GARIN1B: variants seen among roughly 807,000 people sequenced by gnomAD.
The protein encoded by GARIN1B is Golgi-associated RAB2 interactor protein 1B.
the GARIN1B span, among the ~76,000 whole-genome samples, chr7:128,713,672 G>A: frequency 2.0e-5 from 3 of 152,186 alleles, no homozygotes; most frequent in African/African-American, 4.8e-5. Context: ...CTCACAATCA[G>A]CTTTCTAGAC....
chr7:128,728,703 A>G, the GARIN1B span, among the ~76,000 whole-genome samples: 1 of 152,220 alleles, frequency 6.6e-6, no homozygotes, highest in African/African-American at 2.4e-5. Flanking sequence ...CATATGTGGC[A>G]TACCACCTTC....
At chr7:128,728,335 G>A in the GARIN1B span, among the ~76,000 whole-genome samples, 4 of 152,162 alleles carry the variant, frequency 2.6e-5, no homozygotes, top group Admixed American at 1.3e-4. Flanking sequence ...CCAGCTACTC[G>A]GGAGGCTGAG....
At chr7:128,715,926 A>G in the GARIN1B span, among the ~76,000 whole-genome samples, 1 of 96,178 alleles carries the variant, frequency 1.0e-5, no homozygotes, top group Non-Finnish European at 2.1e-5. Flanking sequence ...CTCTGCTCTG[A>G]GTGGAGAATT....
At chr7:128,715,591 G>A in the GARIN1B span, 60 of 1,614,010 alleles carry the variant, frequency 3.7e-5, no homozygotes, top group Non-Finnish European at 4.7e-5. Flanking sequence ...ACCCTGGAGC[G>A]GGCCTAGGTG....
the GARIN1B span, among the ~76,000 whole-genome samples, chr7:128,722,752 C>T: frequency 1.3e-5 from 2 of 151,740 alleles, no homozygotes; most frequent in East Asian, 1.9e-4. Flanking sequence ...CTCAGTGAGC[C>T]GAGATCGCAC....
the GARIN1B span, chr7:128,723,329 TAAATC>T: frequency 1.9e-6 from 3 of 1,609,376 alleles, no homozygotes; most frequent in Admixed American, 3.3e-5. Flanking sequence ...GTACATGACT[TAAATC>T]AAGCCAGCCT....
the GARIN1B span, among the ~76,000 whole-genome samples, chr7:128,728,437 G>C: frequency 4.4e-4 from 5 of 11,408 alleles, no homozygotes; most frequent in Non-Finnish European, 6.8e-4. Context: ...GCGAGACTCA[G>C]ACTTAAAAAA....
the GARIN1B span, chr7:128,729,986 G>GAGAGA: frequency 1.2e-6 from 2 of 1,614,204 alleles, no homozygotes; most frequent in Middle Eastern, 3.3e-4. Context: ...GAGTGGGAAA[G>GAGAGA]AGAGAACCCC....
the GARIN1B span, chr7:128,715,209 G>A: frequency 3.0e-5 from 30 of 983,900 alleles, no homozygotes; most frequent in African/African-American, 3.5e-4. Flanking sequence ...CTGGGGTTCC[G>A]AAAAGGGCTG....
chr7:128,709,407 A>G, the GARIN1B span, among the ~76,000 whole-genome samples: 1 of 152,202 alleles, frequency 6.6e-6, no homozygotes, highest in Non-Finnish European at 1.5e-5. Context: ...TAGTGGTCCA[A>G]CTAATTTTTT....
At chr7:128,729,804 G>A in the GARIN1B span, 2 of 1,298,480 alleles carry the variant, frequency 1.5e-6, no homozygotes, top group South Asian at 1.3e-5. Context: ...TTGGAATGGT[G>A]CCTGGCACAT....
the GARIN1B span, among the ~76,000 whole-genome samples, chr7:128,717,732 C>T: frequency 2.7e-5 from 4 of 149,694 alleles, no homozygotes; most frequent in Non-Finnish European, 4.4e-5. Context: ...CGGGCGTGAG[C>T]CACTGTGCCC....
chr7:128,729,022 C>T, the GARIN1B span, among the ~76,000 whole-genome samples: 1 of 152,202 alleles, frequency 6.6e-6, no homozygotes, highest in African/African-American at 2.4e-5. Flanking sequence ...ATATTTCAAA[C>T]ATTTCTGGGA....
chr7:128,717,753 TTTTTG>T, the GARIN1B span, among the ~76,000 whole-genome samples: 1 of 114,680 alleles, frequency 8.7e-6, no homozygotes, highest in Non-Finnish European at 1.8e-5. Flanking sequence ...GGCCAGGTTT[TTTTTG>T]TTTTTTTTTT....
the GARIN1B span, chr7:128,731,368 C>A: frequency 1.8e-6 from 1 of 554,062 alleles, no homozygotes; most frequent in South Asian, 2.4e-5. Flanking sequence ...TGGCCGGGCC[C>A]AAGAGATGAA....
the GARIN1B span, chr7:128,717,110 T>C: frequency 1.3e-5 from 13 of 1,013,618 alleles, no homozygotes; most frequent in East Asian, 1.6e-4. Context: ...AGCAGTGACA[T>C]TGATTTTTTT....
chr7:128,728,154 G>A, the GARIN1B span, among the ~76,000 whole-genome samples: 2 of 152,138 alleles, frequency 1.3e-5, no homozygotes, highest in East Asian at 1.9e-4. Context: ...GTATAAATGG[G>A]TAAAGGGGGC....
the GARIN1B span, chr7:128,713,943 A>G: frequency 6.6e-7 from 1 of 1,517,466 alleles, no homozygotes. Flanking sequence ...GGGAAATGCA[A>G]ACCAAAGGAT....
At chr7:128,715,364 T>A in the GARIN1B span, 1 of 1,563,688 alleles carries the variant, frequency 6.4e-7, no homozygotes, top group Non-Finnish European at 8.6e-7. Context: ...TCCCAGGGCT[T>A]GGCCAGCTGC....
Sources: allele counts gnomAD v4.1 joint callset (sites outside exome capture counted in the v4.1 genomes callset), GRCh38; gene constraint gnomAD v4.1.1; transcripts MANE v1.5; gene names NCBI Gene and HGNC (gene_info 2026-07-23, HGNC 2026-07-21).